DDX59: variants seen among roughly 807,000 people sequenced by gnomAD.
DDX59 encodes the protein probable ATP-dependent RNA helicase DDX59.
In DDX59, 30 loss-of-function variants were observed where a neutral mutation model predicts 51.9. That is an observed-to-expected ratio of 0.58 (90% CI 0.43 to 0.78). DDX59 has a LOEUF of 0.78. DDX59 is among the 30% of genes least tolerant of loss of function. The probability of loss-of-function intolerance (pLI) is 0.00; values close to 1 mark genes in which losing one functional copy is unlikely to be tolerated. For missense variants in DDX59, 672 were observed against 730.8 expected (o/e 0.92, Z 0.93); for synonymous variants, 255 against 253.3 (o/e 1.01, Z -0.06).
At chr1:200,660,513 G>C (rs1247079717) in intron 3 of DDX59, among the ~76,000 whole-genome samples, 1 of 152,138 alleles carries the variant, frequency 6.6e-6, no homozygotes, top group African/African-American at 2.4e-5. Flanking sequence ...GTCTGGTGAG[G>C]AGGGCATCGC....
At chr1:200,669,648 G>A (rs1358199073) in intron 1 of DDX59, 119 bp downstream of exon 1, 1 of 152,312 alleles carries the variant, frequency 6.6e-6, no homozygotes, top group African/African-American at 2.4e-5. Flanking sequence ...ACGGGGAACT[G>A]TAAGGATGGG....
intron 4 of DDX59, among the ~76,000 whole-genome samples, chr1:200,656,705 C>T (rs1195723074): frequency 3.9e-5 from 6 of 152,126 alleles, no homozygotes; most frequent in East Asian, 1.9e-4. Flanking sequence ...GAGCACAGCA[C>T]GAAAGTGTCC....
intron 4 of DDX59, chr1:200,654,805 C>A (rs1661909908): frequency 6.6e-6 from 1 of 152,214 alleles, no homozygotes; most frequent in African/African-American, 2.4e-5. Context: ...TGAGTTTTCA[C>A]CTCTGACTAT....
rs1267982762 is a variant in DDX59 at position 200,650,405 on chromosome 1, T to C, written c.1314+20A>G. ...TGCAAACACAATCCATAAAACATAG[T>C]TAACTGCTTTACTACTCACATTTAA... is the stretch of plus-strand genomic sequence containing the variant. On this transcript the variant is annotated intron_variant, in intron 5 of 7. Coordinates refer to ENST00000331314, the MANE Select transcript of DDX59 (RefSeq NM_001031725.6). 2.4e-5 allele frequency: 38 copies of C among 1,601,238 alleles called. No homozygotes were observed. The highest frequency in any genetic ancestry group is 3.2e-5 in the Non-Finnish European group (37 of 1,172,298).
intron 3 of DDX59, 52 bp from the exon 4 acceptor site, chr1:200,659,168 T>G (rs1662223423): frequency 7.2e-7 from 1 of 1,380,918 alleles, no homozygotes; most frequent in African/African-American, 1.4e-5. Flanking sequence ...GCTATTTTCA[T>G]TCATTCATTC....
intron 4 of DDX59, chr1:200,655,070 G>C (rs1471842030): frequency 1.3e-5 from 2 of 152,148 alleles, no homozygotes; most frequent in Non-Finnish European, 2.9e-5. Context: ...TCCTGAGCCA[G>C]AAAAGGCTCA....
At chr1:200,648,660 C>G in intron 6 of DDX59, 93 bp from the exon 7 acceptor site, 1 of 1,383,602 alleles carries the variant, frequency 7.2e-7, no homozygotes, top group African/African-American at 1.4e-5. Context: ...ATGCTTACTT[C>G]AATATTTTTA....
Position 200,650,518 on chromosome 1 carries a change from A to G in DDX59, c.1221T>C (p.Thr407=), listed in dbSNP as rs1411188384. The stretch of plus-strand genomic sequence containing the variant: ...TGGCACAAGGTAGGTTCTTTTCTCC[A>G]GTGATAATTCTCACAGGATTATGCA... The part of the protein sequence containing the change: ...QLLHNPVRII[T]GEKNLPCANV... The change falls in exon 5 of 8, where the codon ACT becomes ACC. Residue 407 remains threonine (T), a synonymous_variant. Coordinates refer to ENST00000331314, the MANE Select transcript of DDX59 (RefSeq NM_001031725.6). The G allele has an allele frequency of 6.2e-7, 1 of 1,613,946 alleles. No individual in the cohort carries two copies. The highest frequency in any genetic ancestry group is 2.2e-5 in the East Asian group (1 of 44,868).
intron 4 of DDX59, 109 bp downstream of exon 4, chr1:200,658,918 T>C: frequency 1.1e-6 from 1 of 893,748 alleles, no homozygotes. Flanking sequence ...GTCCCTGAGG[T>C]TTTTTTTGAG....
chr1:200,646,460 T>C (rs1055763870), intron 7 of DDX59, among the ~76,000 whole-genome samples: 1 of 152,194 alleles, frequency 6.6e-6, no homozygotes, highest in Non-Finnish European at 1.5e-5. Flanking sequence ...CAAATTTGAA[T>C]AGACATTTCT....
At chr1:200,655,625 T>C (rs1661971140) in intron 4 of DDX59, among the ~76,000 whole-genome samples, 1 of 152,222 alleles carries the variant, frequency 6.6e-6, no homozygotes. Flanking sequence ...ACACATGCAC[T>C]TGGACTTTCT....
chr1:200,666,205 T>C lies in DDX59; in HGVS notation c.536A>G (p.Glu179Gly), dbSNP rs139218492. ...KEHPFILNLQ[E>G]DQIENLKQQL... ...CTGTTTAAGATTTTCAATCTGGTCT[T>C]CCTGAAGGTTCAAAATAAAGGGGTG... is the stretch of plus-strand genomic sequence containing the variant. The change falls in exon 2 of 8, where the codon GAA becomes GGA. Residue 179 changes from glutamate (E) to glycine (G), a missense_variant. Glu to Gly is a moderately conservative substitution (Grantham distance 98). Transcript: ENST00000331314. The C allele has an allele frequency of 4.5e-5, 72 of 1,614,218 alleles. No homozygotes were observed. The Middle Eastern group carries it at 1.3e-3, about 30-fold the overall frequency.
At chr1:200,640,987 A>T (rs569307019), downstream of DDX59, 8 of 282,270 alleles carry the variant, frequency 2.8e-5, no homozygotes, top group East Asian at 5.6e-4. Context: ...TTACTTAATT[A>T]TCCATTGGTT....
At chr1:200,650,752 A>G (rs761110375) in intron 4 of DDX59, 76 bp from the exon 5 acceptor site, 9 of 1,294,548 alleles carry the variant, frequency 7.0e-6, no homozygotes, top group Non-Finnish European at 9.2e-6. Context: ...GACTGATATA[A>G]TTAACAATAT....
Position 200,666,440 on chromosome 1 carries a change from C to T in DDX59, c.301G>A (p.Ala101Thr). ...ACACAGATGGGTTCCCCTGGTTCTG[C>T]CCAGCGCTGTGTTTTGGAAAATGAC... is the stretch of plus-strand genomic sequence containing the variant. ...VKSFSKTQRW[A>T]EPGEPICVVC... The change falls in exon 2 of 8, where the codon GCA (alanine) becomes ACA (threonine). Residue 101 changes from alanine to threonine, a missense_variant. By Grantham distance (58) the Ala-to-Thr change is moderately conservative. Transcript: ENST00000331314. 6.2e-7 allele frequency: 1 copy of T among 1,614,164 alleles called. No homozygotes were observed. Among genetic ancestry groups the T allele is most frequent in the Non-Finnish European group, 8.5e-7 (1 of 1,180,018 alleles).
intron 4 of DDX59, among the ~76,000 whole-genome samples, chr1:200,655,748 AT>A: frequency 6.6e-6 from 1 of 151,920 alleles, no homozygotes. Context: ...CTAAGAAGCC[AT>A]TTTTTGCAGT....
intron 4 of DDX59, among the ~76,000 whole-genome samples, chr1:200,651,940 G>A (rs1475037097): frequency 1.3e-5 from 2 of 150,916 alleles, no homozygotes; most frequent in Middle Eastern, 3.2e-3. Context: ...CCCGAGAGGC[G>A]GAGCTTGCAG....
At chr1:200,662,215 C>T (rs1236140784) in intron 3 of DDX59, among the ~76,000 whole-genome samples, 1 of 152,062 alleles carries the variant, frequency 6.6e-6, no homozygotes, top group African/African-American at 2.4e-5. Context: ...TGTTAATTTC[C>T]TGATTCCATA....
intron 3 of DDX59, among the ~76,000 whole-genome samples, chr1:200,661,353 A>T (rs1662363307): frequency 7.6e-6 from 1 of 131,704 alleles, no homozygotes; most frequent in Non-Finnish European, 1.8e-5. Flanking sequence ...TTCAAAGTAC[A>T]CCTCAAAGTA....
Sources: gnomAD v4.1 joint callset for allele counts (sites outside exome capture counted in the v4.1 genomes callset) on GRCh38, gnomAD v4.1.1 for gene constraint, MANE v1.5 for transcripts, NCBI Gene and HGNC (gene_info 2026-07-23, HGNC 2026-07-21) for gene names.